MIR2052HG: variants seen among roughly 807,000 people sequenced by gnomAD.
The protein encoded by MIR2052HG is MIR2052 host gene.
intron 5 of MIR2052HG, among the ~76,000 whole-genome samples, chr8:74,752,815 ACAAATTT>A (rs1809961879): frequency 1.3e-5 from 2 of 152,362 alleles, no homozygotes; most frequent in South Asian, 4.1e-4. Flanking sequence ...TTAATAGAAC[ACAAATTT>A]CATAATATGT....
intron 1 of MIR2052HG, among the ~76,000 whole-genome samples, chr8:74,604,696 C>T (rs1368241135): frequency 2.1e-5 from 3 of 146,294 alleles, no homozygotes; most frequent in South Asian, 2.2e-4. Context: ...CAGATTCAAG[C>T]GACTCTCCTG....
In MIR2052HG at chr8:74,603,010, CCAAAA is replaced by C. The variant is rs1303642988; in HGVS notation, n.128+3125_128+3129del. On this transcript the variant is annotated intron_variant and non_coding_transcript_variant, in intron 1 of 6. Transcript: ENST00000523442. ...CATGACAGACAGAAAAATTCATGAGCCAAAACAAAACAAAACAAAACAAAACACCA... is the reference window on the plus strand; with the variant it reads ...CATGACAGACAGAAAAATTCATGAGCCAAAACAAAACAAAACAAAACACCA... 5.2e-3 allele frequency among the ~76,000 whole-genome samples: 713 copies of C among 137,478 alleles called. 4 individuals carry two copies. Among genetic ancestry groups the C allele is most frequent in the African/African-American group, 0.014 (515 of 36,264 alleles). 90.2% of individuals were successfully genotyped at this position (137,478 alleles called of 152,430 possible). A position where few individuals can be genotyped will look rare whatever the true frequency, so the allele number is the denominator to read the frequency against.
chr8:74,707,193 A>T (rs1424562564), intron 4 of MIR2052HG, among the ~76,000 whole-genome samples: 1 of 152,086 alleles, frequency 6.6e-6, no homozygotes, highest in Non-Finnish European at 1.5e-5. Context: ...TCTGATCTAA[A>T]TATGTGAGGC....
intron 2 of MIR2052HG, among the ~76,000 whole-genome samples, chr8:74,669,429 G>A (rs566760799): frequency 1.5e-4 from 23 of 152,138 alleles, no homozygotes; most frequent in South Asian, 8.3e-4. Flanking sequence ...TAATTGTATC[G>A]CTGTCTCCTT....
intron 2 of MIR2052HG, among the ~76,000 whole-genome samples, chr8:74,656,667 C>T (rs907112907): frequency 6.6e-6 from 1 of 152,106 alleles, no homozygotes; most frequent in Non-Finnish European, 1.5e-5. Context: ...AATGGACTAA[C>T]ACAGGGCCAT....
chr8:74,728,286 C>G (rs1159008814), intron 4 of MIR2052HG, among the ~76,000 whole-genome samples: 3 of 152,182 alleles, frequency 2.0e-5, no homozygotes, highest in Admixed American at 6.5e-5. Flanking sequence ...AGATACCTCA[C>G]AAGCTGATTT....
chr8:74,696,994 G>A (rs555694419), intron 2 of MIR2052HG, among the ~76,000 whole-genome samples: 6 of 151,610 alleles, frequency 4.0e-5, no homozygotes, highest in East Asian at 1.9e-4. Flanking sequence ...CATTATCACC[G>A]TAACACCAAA....
chr8:74,744,492 C>G (rs2128756032), intron 4 of MIR2052HG, among the ~76,000 whole-genome samples: 1 of 151,288 alleles, frequency 6.6e-6, no homozygotes, highest in Admixed American at 6.6e-5. Context: ...TACCCCACAA[C>G]AGTCCCCAGA....
chr8:74,710,851 A>T (rs1444936254), intron 4 of MIR2052HG, among the ~76,000 whole-genome samples: 1 of 152,152 alleles, frequency 6.6e-6, no homozygotes, highest in Non-Finnish European at 1.5e-5. Context: ...TCACAATTCA[A>T]ATTACCAATA....
At chr8:74,663,948 C>G (rs1299365782) in intron 2 of MIR2052HG, among the ~76,000 whole-genome samples, 1 of 151,938 alleles carries the variant, frequency 6.6e-6, no homozygotes, top group East Asian at 1.9e-4. Context: ...AATTGGCTAA[C>G]TTTATTGGTG....
chr8:74,671,663 G>GA (rs1808993976), intron 2 of MIR2052HG, among the ~76,000 whole-genome samples: 1 of 152,126 alleles, frequency 6.6e-6, no homozygotes, highest in African/African-American at 2.4e-5. Context: ...TGTGTGGACT[G>GA]AAAATGAGAG....
intron 1 of MIR2052HG, among the ~76,000 whole-genome samples, chr8:74,611,689 T>A (rs1808198519): frequency 6.6e-6 from 1 of 152,228 alleles, no homozygotes; most frequent in Admixed American, 6.5e-5. Flanking sequence ...CAAAATGTAA[T>A]GTTTCATGAT....
intron 4 of MIR2052HG, among the ~76,000 whole-genome samples, chr8:74,731,873 T>A (rs1179576488): frequency 6.6e-6 from 1 of 152,142 alleles, no homozygotes; most frequent in African/African-American, 2.4e-5. Context: ...TATGGGCCAA[T>A]ACAGAAGAAG....
At chr8:74,618,723 A>G (rs1026857785) in intron 2 of MIR2052HG, among the ~76,000 whole-genome samples, 2 of 152,228 alleles carry the variant, frequency 1.3e-5, no homozygotes, top group African/African-American at 2.4e-5. Flanking sequence ...TTTTCCTGTG[A>G]GATAAGGAAC....
intron 2 of MIR2052HG, among the ~76,000 whole-genome samples, chr8:74,655,965 C>G (rs1329372340): frequency 6.6e-6 from 1 of 152,302 alleles, no homozygotes; most frequent in Non-Finnish European, 1.5e-5. Flanking sequence ...TCAGCATGAC[C>G]TGGATGTAAG....
chr8:74,724,247 T>A (rs1020199691), intron 4 of MIR2052HG, among the ~76,000 whole-genome samples: 4 of 150,098 alleles, frequency 2.7e-5, no homozygotes, highest in Non-Finnish European at 3.0e-5. Context: ...GCAGAAACTT[T>A]AAAAAAAAAA....
At chr8:74,631,935 T>C (rs1808516438) in intron 2 of MIR2052HG, among the ~76,000 whole-genome samples, 1 of 152,176 alleles carries the variant, frequency 6.6e-6, no homozygotes, top group South Asian at 2.1e-4. Flanking sequence ...GCCCTCATGA[T>C]TTAATAATTT....
intron 4 of MIR2052HG, among the ~76,000 whole-genome samples, chr8:74,728,132 C>T (rs1346954635): frequency 1.3e-5 from 2 of 152,164 alleles, no homozygotes; most frequent in African/African-American, 4.8e-5. Context: ...TAGTGCACAT[C>T]ATACTTGGGC....
chr8:74,703,274 T>A (rs184323658), intron 3 of MIR2052HG, among the ~76,000 whole-genome samples: 12 of 152,128 alleles, frequency 7.9e-5, no homozygotes, highest in Non-Finnish European at 1.5e-4. Flanking sequence ...GTTCACAGGA[T>A]CAGAGCTCTT....
Sources: gnomAD v4.1 joint callset for allele counts (sites outside exome capture counted in the v4.1 genomes callset) on GRCh38, gnomAD v4.1.1 for gene constraint, MANE v1.5 for transcripts, NCBI Gene and HGNC (gene_info 2026-07-23, HGNC 2026-07-21) for gene names.